The following ADAMTS3 variants were observed in gnomAD, a reference collection of about 807,000 sequenced individuals.
The protein encoded by ADAMTS3 is A disintegrin and metalloproteinase with thrombospondin motifs 3.
Under a neutral mutation model 129.0 loss-of-function variants are expected in ADAMTS3, and 73 were observed. That is an observed-to-expected ratio of 0.57 (90% CI 0.47 to 0.69). ADAMTS3 has a LOEUF of 0.69. Among genes scored for constraint, ADAMTS3 ranks in the 30% least tolerant of loss-of-function variants. ADAMTS3 has a pLI of 0.00. For synonymous variants in ADAMTS3, 477 were observed against 510.8 expected (o/e 0.93, Z 0.89); for missense variants, 1,457 against 1,514.5 (o/e 0.96, Z 0.63).
intron 5 of ADAMTS3, 87 bp downstream of exon 5, chr4:72,339,407 G>A: frequency 7.6e-7 from 1 of 1,314,732 alleles, no homozygotes; most frequent in Non-Finnish European, 1.1e-6. Context: ...AGTCATGGAA[G>A]TTCTCACACA....
intron 17 of ADAMTS3, 107 bp downstream of exon 17, chr4:72,303,810 T>A: frequency 1.7e-6 from 2 of 1,190,716 alleles, no homozygotes; most frequent in South Asian, 2.8e-5. Context: ...GCAACTCATG[T>A]TTCAAAGTTC....
chr4:72,496,419 T>G (rs564203743), intron 3 of ADAMTS3, among the ~76,000 whole-genome samples: 74 of 152,272 alleles, frequency 4.9e-4, no homozygotes, highest in Non-Finnish European at 9.7e-4. Context: ...TCACCTTTCT[T>G]CTTTAATTTT....
At chr4:72,439,618 G>A (rs1718058477) in intron 3 of ADAMTS3, among the ~76,000 whole-genome samples, 1 of 151,410 alleles carries the variant, frequency 6.6e-6, no homozygotes, top group Non-Finnish European at 1.5e-5. Context: ...AGATTAAAAT[G>A]TTATTTAAAA....
intron 3 of ADAMTS3, among the ~76,000 whole-genome samples, chr4:72,514,765 A>G (rs902785468): frequency 3.3e-5 from 5 of 152,212 alleles, no homozygotes; most frequent in African/African-American, 1.2e-4. Context: ...AAATTTAAAA[A>G]GTAATCCAAA....
At chr4:72,530,738 A>ATATATATTATATAT (rs71655713) in intron 3 of ADAMTS3, among the ~76,000 whole-genome samples, 1 of 78,248 alleles carries the variant, frequency 1.3e-5, no homozygotes, top group African/African-American at 5.4e-5. Flanking sequence ...ATTATATATT[A>ATATATATTATATAT]TATATATTAT....
intron 3 of ADAMTS3, among the ~76,000 whole-genome samples, chr4:72,514,244 C>T (rs1001639711): frequency 3.9e-5 from 6 of 152,110 alleles, no homozygotes; most frequent in Non-Finnish European, 5.9e-5. Context: ...CCTGCTGATA[C>T]AGGATTACTA....
intron 3 of ADAMTS3, among the ~76,000 whole-genome samples, chr4:72,433,600 G>A (rs999983787): frequency 4.0e-5 from 6 of 151,836 alleles, no homozygotes; most frequent in African/African-American, 1.5e-4. Flanking sequence ...TTTGCTGTAT[G>A]AACATGAAAT....
chr4:72,368,916 C>G (rs1448726800), intron 4 of ADAMTS3, among the ~76,000 whole-genome samples: 1 of 152,130 alleles, frequency 6.6e-6, no homozygotes, highest in Non-Finnish European at 1.5e-5. Context: ...GTAACTGAAG[C>G]TAAAACTTGA....
chr4:72,354,970 T>A (rs1277798528), intron 4 of ADAMTS3, among the ~76,000 whole-genome samples: 1 of 152,010 alleles, frequency 6.6e-6, no homozygotes, highest in African/African-American at 2.4e-5. Flanking sequence ...CTTCTATAAA[T>A]CTTACTCCAA....
At chr4:72,430,480 G>C (rs1578673111) in intron 3 of ADAMTS3, among the ~76,000 whole-genome samples, 1 of 151,914 alleles carries the variant, frequency 6.6e-6, no homozygotes, top group Non-Finnish European at 1.5e-5. Flanking sequence ...AGCCTCCAGA[G>C]AGCCCCCACA....
intron 3 of ADAMTS3, among the ~76,000 whole-genome samples, chr4:72,436,919 T>A (rs1335333421): frequency 2.0e-5 from 3 of 151,986 alleles, no homozygotes; most frequent in Non-Finnish European, 4.4e-5. Flanking sequence ...GACGAGTTAA[T>A]GGGTGCAGCA....
intron 7 of ADAMTS3, 147 bp downstream of exon 7, chr4:72,320,567 T>C: frequency 1.3e-6 from 1 of 796,114 alleles, no homozygotes; most frequent in South Asian, 2.0e-5. Context: ...TAAGTCACTG[T>C]AAGCAAAAGA....
intron 4 of ADAMTS3, among the ~76,000 whole-genome samples, chr4:72,364,865 A>C (rs1265482559): frequency 1.3e-5 from 2 of 151,738 alleles, no homozygotes; most frequent in African/African-American, 4.8e-5. Flanking sequence ...CTGGGATAAC[A>C]GGTGTGAGCC....
chr4:72,461,366 T>C (rs941891521), intron 3 of ADAMTS3, among the ~76,000 whole-genome samples: 24 of 151,788 alleles, frequency 1.6e-4, no homozygotes, highest in Admixed American at 1.1e-3. Flanking sequence ...CTGATCTTAA[T>C]TTGACAGGCT....
At chr4:72,374,552 CAAT>C (rs1721091129) in intron 4 of ADAMTS3, among the ~76,000 whole-genome samples, 1 of 152,072 alleles carries the variant, frequency 6.6e-6, no homozygotes, top group Non-Finnish European at 1.5e-5. Context: ...ATTAACTAGT[CAAT>C]ATGAAAATAA....
chr4:72,331,578 A>T (rs1018838095), intron 5 of ADAMTS3, among the ~76,000 whole-genome samples: 6 of 152,074 alleles, frequency 3.9e-5, no homozygotes, highest in African/African-American at 1.4e-4. Context: ...TTATTTTCTA[A>T]AGTTAGCCCC....
intron 3 of ADAMTS3, among the ~76,000 whole-genome samples, chr4:72,502,596 T>C (rs948878140): frequency 1.3e-5 from 2 of 152,102 alleles, no homozygotes; most frequent in African/African-American, 2.4e-5. Flanking sequence ...GATATTTGGG[T>C]CTCAATTTCA....
chr4:72,299,337 T>A (rs1399791369), intron 17 of ADAMTS3, among the ~76,000 whole-genome samples: 4 of 151,086 alleles, frequency 2.6e-5, no homozygotes, highest in Non-Finnish European at 5.9e-5. Flanking sequence ...GATATCAATG[T>A]AGCTAAATTG....
chr4:72,405,770 T>C (rs929172803), intron 4 of ADAMTS3, among the ~76,000 whole-genome samples: 1 of 152,122 alleles, frequency 6.6e-6, no homozygotes, highest in African/African-American at 2.4e-5. Flanking sequence ...CCCAGTTCCC[T>C]TCAAGGCCAA....
Sources: allele counts gnomAD v4.1 joint callset (sites outside exome capture counted in the v4.1 genomes callset), GRCh38; gene constraint gnomAD v4.1.1; transcripts MANE v1.5; gene names NCBI Gene and HGNC (gene_info 2026-07-23, HGNC 2026-07-21).